CPO: variants seen among roughly 807,000 people sequenced by gnomAD.
CPO encodes the protein carboxypeptidase O.
CPO carries 43 observed loss-of-function variants against 41.2 expected under a neutral mutation model. That is an observed-to-expected ratio of 1.04 (90% CI 0.82 to 1.35). The LOEUF is 1.35. Ranked by LOEUF, CPO falls within the 40% of genes most tolerant of loss-of-function variation. CPO has a pLI of 0.00. For synonymous variants in CPO, 178 were observed against 162.7 expected (o/e 1.09, Z -0.72); for missense variants, 408 against 451.7 (o/e 0.90, Z 0.88).
intron 1 of CPO, among the ~76,000 whole-genome samples, chr2:206,943,830 A>C (rs1018354042): frequency 6.6e-6 from 1 of 152,038 alleles, no homozygotes; most frequent in African/African-American, 2.4e-5. Context: ...TTTTTAGAAC[A>C]GTTTCTAGCA....
At chr2:206,951,311 G>A (rs1285885954) in intron 2 of CPO, among the ~76,000 whole-genome samples, 1 of 152,140 alleles carries the variant, frequency 6.6e-6, no homozygotes, top group Non-Finnish European at 1.5e-5. Flanking sequence ...AGATAAGTTT[G>A]GTGGTTTCCA....
intron 7 of CPO, among the ~76,000 whole-genome samples, chr2:206,967,982 A>G (rs1356272622): frequency 6.6e-6 from 1 of 152,190 alleles, no homozygotes; most frequent in Non-Finnish European, 1.5e-5. Context: ...TTAGAGAGGG[A>G]ATATCAGAGA....
At chr2:206,964,268 G>A (rs1052972634) in intron 7 of CPO, among the ~76,000 whole-genome samples, 1 of 152,136 alleles carries the variant, frequency 6.6e-6, no homozygotes, top group African/African-American at 2.4e-5. Context: ...TACCTTTCTT[G>A]CAATTATTCT....
chr2:206,958,222 T>G (rs1693407848), intron 3 of CPO, 79 bp from the exon 4 acceptor site: 1 of 740,368 alleles, frequency 1.4e-6, no homozygotes, highest in Non-Finnish European at 2.2e-6. Context: ...TCTAGGGGAA[T>G]TAAAAATCTC....
intron 2 of CPO, among the ~76,000 whole-genome samples, chr2:206,951,234 A>G (rs951152957): frequency 2.0e-5 from 3 of 152,342 alleles, no homozygotes; most frequent in African/African-American, 7.2e-5. Flanking sequence ...AATGCTTTAC[A>G]ATTTATATGA....
At chr2:206,966,916 C>G (rs1693585576) in intron 7 of CPO, among the ~76,000 whole-genome samples, 1 of 152,126 alleles carries the variant, frequency 6.6e-6, no homozygotes, top group African/African-American at 2.4e-5. Context: ...GGCCAGTTCC[C>G]TCTCTAGACA....
At chr2:206,948,385 T>C (rs1412627055) in intron 1 of CPO, among the ~76,000 whole-genome samples, 1 of 152,122 alleles carries the variant, frequency 6.6e-6, no homozygotes, top group Non-Finnish European at 1.5e-5. Flanking sequence ...GACAAAACTA[T>C]GGAGAAGTAA....
At chr2:206,959,890 A>C in intron 5 of CPO, 149 bp downstream of exon 5, 1 of 515,726 alleles carries the variant, frequency 1.9e-6, no homozygotes, top group Non-Finnish European at 3.5e-6. Context: ...TCAGCTTAAC[A>C]TTTTTAATCA....
chr2:206,949,675 G>C lies in CPO; in HGVS notation c.127G>C (p.Glu43Gln). The change falls in exon 2 of 9, where the codon GAG becomes CAG. Residue 43 changes from glutamate to glutamine, a missense_variant. Transcript: ENST00000272852. ...VDKSVSPWSL[E>Q]TYSYNIYHPM... ...CAAGTCAGTGAGTCCATGGAGCCTG[G>C]AGACGTATTCCTATAACATATACCA... 3 of 1,613,402 alleles carry C rather than the reference G, an allele frequency of 1.9e-6. No individual in the cohort carries two copies. Among genetic ancestry groups the C allele is most frequent in the Non-Finnish European group, 2.5e-6 (3 of 1,179,436 alleles).
intron 6 of CPO, among the ~76,000 whole-genome samples, chr2:206,961,859 G>A (rs565118929): frequency 1.3e-4 from 20 of 151,794 alleles, no homozygotes; most frequent in African/African-American, 4.6e-4. Flanking sequence ...TGGGGAGGCC[G>A]AGGTGGGCAG....
chr2:206,961,378 A>C (rs967601574), intron 6 of CPO, among the ~76,000 whole-genome samples: 1 of 152,200 alleles, frequency 6.6e-6, no homozygotes, highest in African/African-American at 2.4e-5. Flanking sequence ...GAAGCAAATA[A>C]AGAAGGAGGA....
intron 7 of CPO, among the ~76,000 whole-genome samples, chr2:206,966,435 G>A (rs576494296): frequency 1.3e-5 from 2 of 152,232 alleles, no homozygotes; most frequent in South Asian, 2.1e-4. Context: ...AAGGGAGTGT[G>A]GTTGGTAAAT....
At chr2:206,953,824 A>G (rs945761961) in intron 2 of CPO, among the ~76,000 whole-genome samples, 1 of 152,214 alleles carries the variant, frequency 6.6e-6, no homozygotes, top group Non-Finnish European at 1.5e-5. Context: ...AGACATTTAC[A>G]TACATCATCT....
intron 4 of CPO, among the ~76,000 whole-genome samples, chr2:206,959,074 G>A (rs1693430173): frequency 6.6e-6 from 1 of 152,110 alleles, no homozygotes; most frequent in African/African-American, 2.4e-5. Flanking sequence ...AAAAGAGTAC[G>A]AAATAACTAC....
Position 206,948,572 on chromosome 2 carries a change from T to C in CPO, c.69-1045T>C, listed in dbSNP as rs555648609. On this transcript the variant is annotated intron_variant, in intron 1 of 8. Transcript: ENST00000272852. Reference sequence around the variant, plus strand: ...TGAGGCCGGGAGTTTGAGAACAGCCTGAGCAACACAGTGAGACCTTGTCTC... The same window carrying C: ...TGAGGCCGGGAGTTTGAGAACAGCCCGAGCAACACAGTGAGACCTTGTCTC... Among the ~76,000 whole-genome samples, 92 of 152,274 alleles carry C rather than the reference T, an allele frequency of 6.0e-4. 1 individual carries two copies. Among genetic ancestry groups the C allele is most frequent in the African/African-American group, 2.0e-3 (83 of 41,558 alleles).
intron 1 of CPO, among the ~76,000 whole-genome samples, chr2:206,943,728 TGATAGATAGATAGATAGATAGATA>T (rs68125401): frequency 1.8e-3 from 217 of 123,690 alleles, no homozygotes; most frequent in African/African-American, 4.6e-3. Context: ...GATGGATAGA[TGATAGATAGATAGATAGATAGATA>T]GATAGATAGA....
At chr2:206,966,857 C>T (rs191813513) in intron 7 of CPO, among the ~76,000 whole-genome samples, 22 of 152,336 alleles carry the variant, frequency 1.4e-4, no homozygotes, top group African/African-American at 4.8e-4. Context: ...CCCCAACTTC[C>T]TTACTGCCTT....
intron 2 of CPO, among the ~76,000 whole-genome samples, chr2:206,951,423 T>G (rs560209480): frequency 3.3e-5 from 5 of 152,256 alleles, no homozygotes; most frequent in African/African-American, 1.2e-4. Flanking sequence ...AAAAATAGAG[T>G]TGCTGGGTCA....
intron 3 of CPO, among the ~76,000 whole-genome samples, chr2:206,955,913 T>A (rs1304748176): frequency 6.6e-6 from 1 of 152,182 alleles, no homozygotes; most frequent in Non-Finnish European, 1.5e-5. Context: ...TTTATATTTT[T>A]AAATTTTAAA....
Sources: allele counts gnomAD v4.1 joint callset (sites outside exome capture counted in the v4.1 genomes callset), GRCh38; gene constraint gnomAD v4.1.1; transcripts MANE v1.5; gene names NCBI Gene and HGNC (gene_info 2026-07-23, HGNC 2026-07-21).